Variants in KCNIP4 observed in about 807,000 individuals in gnomAD.
KCNIP4 encodes Kv channel-interacting protein 4.
Under a neutral mutation model 34.0 loss-of-function variants are expected in KCNIP4, and 12 were observed. The ratio of observed to expected loss-of-function variants is 0.35; its 90% CI spans 0.23 to 0.57. The LOEUF (loss-of-function observed/expected upper bound fraction) is 0.57, where lower values mean the gene tolerates loss of function less well. Among genes scored for constraint, KCNIP4 ranks in the 20% least tolerant of loss-of-function variants. The pLI, the probability that KCNIP4 is intolerant of heterozygous loss-of-function variation, is 0.83. For missense variants in KCNIP4, 238 were observed against 311.7 expected, an observed-to-expected ratio of 0.76 and a Z score of 1.78; for synonymous variants, 124 against 102.2, an observed-to-expected ratio of 1.21 and a Z score of -1.29.
intron 1 of KCNIP4, among the ~76,000 whole-genome samples, chr4:21,393,933 G>T (rs1722760899): frequency 6.6e-6 from 1 of 152,028 alleles, no homozygotes; most frequent in South Asian, 2.1e-4. Context: ...AAAATTTATG[G>T]TCCAGATACC....
At chr4:21,068,425 C>A (rs531355124) in intron 1 of KCNIP4, among the ~76,000 whole-genome samples, 1 of 152,040 alleles carries the variant, frequency 6.6e-6, no homozygotes, top group Non-Finnish European at 1.5e-5. Context: ...AACTCCATAC[C>A]CTATGTGGTC....
intron 1 of KCNIP4, among the ~76,000 whole-genome samples, chr4:21,533,455 G>A (rs943902534): frequency 5.3e-5 from 8 of 152,066 alleles, no homozygotes; most frequent in Non-Finnish European, 4.4e-5. Flanking sequence ...CCAATAGCTT[G>A]TCTAGCCTGA....
At chr4:21,149,325 G>A (rs1222897008) in intron 1 of KCNIP4, among the ~76,000 whole-genome samples, 1 of 152,138 alleles carries the variant, frequency 6.6e-6, no homozygotes, top group Admixed American at 6.5e-5. Context: ...AAAACTCTCT[G>A]TTTTCAATAG....
intron 1 of KCNIP4, among the ~76,000 whole-genome samples, chr4:21,139,224 A>G (rs73247374): frequency 0.035 from 5,344 of 152,324 alleles, 131 homozygotes; most frequent in Non-Finnish European, 0.053. Flanking sequence ...GAGCTGCCAT[A>G]GGTGCATTAC....
intron 1 of KCNIP4, among the ~76,000 whole-genome samples, chr4:20,978,812 G>A (rs1735738445): frequency 6.6e-6 from 1 of 151,950 alleles, no homozygotes; most frequent in South Asian, 2.1e-4. Context: ...TTCTTCTTAT[G>A]CAACTGAGAA....
chr4:21,585,408 G>T (rs1396797051), intron 1 of KCNIP4, among the ~76,000 whole-genome samples: 1 of 151,960 alleles, frequency 6.6e-6, no homozygotes, highest in Admixed American at 6.6e-5. Context: ...AATTTTTGCT[G>T]CAAAGTTTAT....
chr4:20,942,225 TGAG>T (rs929856195), intron 1 of KCNIP4, among the ~76,000 whole-genome samples: 13 of 152,150 alleles, frequency 8.5e-5, no homozygotes, highest in Non-Finnish European at 1.6e-4. Flanking sequence ...TAAGTGAGTG[TGAG>T]GAGAAGAATT....
chr4:21,324,080 C>T (rs1714780821), intron 1 of KCNIP4, among the ~76,000 whole-genome samples: 1 of 151,896 alleles, frequency 6.6e-6, no homozygotes, highest in Non-Finnish European at 1.5e-5. Flanking sequence ...CTTTTGCCCA[C>T]TTTTAAGGTG....
intron 1 of KCNIP4, chr4:21,845,871 T>C (rs889008915): frequency 6.6e-6 from 1 of 151,994 alleles, no homozygotes; most frequent in African/African-American, 2.4e-5. Context: ...CAAAATATTT[T>C]AGTTTTTAGT....
chr4:20,744,827 G>A (rs10084802), intron 5 of KCNIP4, among the ~76,000 whole-genome samples: 53,673 of 151,950 alleles, frequency 0.35, 9,953 homozygotes, highest in African/African-American at 0.44. Context: ...GTGGACTTGT[G>A]TTGTTTGCCT....
intron 1 of KCNIP4, among the ~76,000 whole-genome samples, chr4:21,021,433 G>C (rs570534579): frequency 6.6e-6 from 1 of 152,048 alleles, no homozygotes; most frequent in Admixed American, 6.6e-5. Flanking sequence ...TTGCAACTTT[G>C]TTACTTTTTA....
intron 3 of KCNIP4, among the ~76,000 whole-genome samples, chr4:20,833,559 T>G (rs567080833): frequency 6.6e-6 from 1 of 152,326 alleles, no homozygotes; most frequent in African/African-American, 2.4e-5. Context: ...TCACCAACTT[T>G]GCCTTCTCAC....
At chr4:20,986,118 C>T (rs1019461897) in intron 1 of KCNIP4, among the ~76,000 whole-genome samples, 3 of 152,158 alleles carry the variant, frequency 2.0e-5, no homozygotes, top group Non-Finnish European at 2.9e-5. Context: ...TTCAGAGGCT[C>T]TGCAAGGTCT....
At chr4:21,519,556 GTA>G (rs1735212321) in intron 1 of KCNIP4, among the ~76,000 whole-genome samples, 7 of 58,226 alleles carry the variant, frequency 1.2e-4, no homozygotes, top group African/African-American at 1.8e-4. Flanking sequence ...ACATATGTGT[GTA>G]TGTGTATATA....
intron 1 of KCNIP4, among the ~76,000 whole-genome samples, chr4:21,045,493 T>C (rs1361481889): frequency 3.3e-5 from 5 of 152,196 alleles, no homozygotes; most frequent in Admixed American, 3.3e-4. Context: ...TTTTACTTAT[T>C]TACTCAAGCC....
intron 1 of KCNIP4, among the ~76,000 whole-genome samples, chr4:20,970,029 C>A (rs1311988725): frequency 6.6e-6 from 1 of 151,754 alleles, no homozygotes; most frequent in Non-Finnish European, 1.5e-5. Flanking sequence ...GCAAGCTCTG[C>A]CTCCCGGGTT....
intron 1 of KCNIP4, among the ~76,000 whole-genome samples, chr4:21,112,050 T>TATCTATCTATCTATCTATATATATATCC (rs1553940043): frequency 3.3e-5 from 5 of 151,754 alleles, no homozygotes; most frequent in African/African-American, 1.2e-4. Context: ...TCTATCTATC[T>TATCTATCTATCTATCTATATATATATCC]ATCTATCTAT....
chr4:21,486,725 T>G (rs68116688), intron 1 of KCNIP4, among the ~76,000 whole-genome samples: 19,015 of 152,198 alleles, frequency 0.12, 1,352 homozygotes, highest in South Asian at 0.21. Flanking sequence ...ATAGTACAGA[T>G]TTCCCATATA....
chr4:21,884,943 C>A (rs1259325907), intron 1 of KCNIP4, among the ~76,000 whole-genome samples: 2 of 98,310 alleles, frequency 2.0e-5, no homozygotes, highest in Non-Finnish European at 5.1e-5. Context: ...AACAAAAGTA[C>A]AGTAGCCTCC....
Sources: allele counts gnomAD v4.1 joint callset (sites outside exome capture counted in the v4.1 genomes callset), GRCh38; gene constraint gnomAD v4.1.1; transcripts MANE v1.5; gene names NCBI Gene and HGNC (gene_info 2026-07-23, HGNC 2026-07-21).